Variants in TAX1BP1 observed in about 807,000 individuals in gnomAD.
TAX1BP1 encodes the protein tax1-binding protein 1.
Under a neutral mutation model 97.7 loss-of-function variants are expected in TAX1BP1, and 62 were observed. That is an observed-to-expected ratio of 0.63 (90% CI 0.52 to 0.78). TAX1BP1 has a LOEUF of 0.78. Ranked by LOEUF, TAX1BP1 falls within the 30% of genes least tolerant of loss-of-function variation. TAX1BP1 has a pLI of 0.00. For synonymous variants in TAX1BP1, 340 were observed against 304.2 expected, an observed-to-expected ratio of 1.12 and a Z score of -1.23; for missense variants, 867 against 916.1, an observed-to-expected ratio of 0.95 and a Z score of 0.69.
At chr7:27,751,289 G>T (rs1398659007) in intron 2 of TAX1BP1, among the ~76,000 whole-genome samples, 1 of 152,128 alleles carries the variant, frequency 6.6e-6, no homozygotes, top group Non-Finnish European at 1.5e-5. Context: ...AAGATTTCAG[G>T]TAATACAGGA....
chr7:27,742,699 C>T (rs1026985520), intron 1 of TAX1BP1, among the ~76,000 whole-genome samples: 3 of 152,104 alleles, frequency 2.0e-5, no homozygotes, highest in African/African-American at 7.2e-5. Flanking sequence ...AACTCCTGAC[C>T]TCTTGATCCG....
intron 2 of TAX1BP1, among the ~76,000 whole-genome samples, chr7:27,757,740 C>T (rs557627991): frequency 6.6e-6 from 1 of 152,036 alleles, no homozygotes; most frequent in East Asian, 1.9e-4. Flanking sequence ...TTAATCAAAA[C>T]ACATTTTTAT....
At chr7:27,817,716 C>T (rs1190126126) in intron 15 of TAX1BP1, among the ~76,000 whole-genome samples, 5 of 152,124 alleles carry the variant, frequency 3.3e-5, no homozygotes, top group African/African-American at 4.8e-5. Flanking sequence ...CTTACAGCAG[C>T]TCTTTTTGGA....
intron 15 of TAX1BP1, among the ~76,000 whole-genome samples, chr7:27,821,104 G>T (rs1011428611): frequency 2.6e-5 from 4 of 152,024 alleles, no homozygotes; most frequent in African/African-American, 9.7e-5. Flanking sequence ...GTCATCAAAA[G>T]GATTAAATGA....
At chr7:27,775,248 A>G (rs1190464511) in intron 5 of TAX1BP1, among the ~76,000 whole-genome samples, 1 of 152,166 alleles carries the variant, frequency 6.6e-6, no homozygotes, top group Non-Finnish European at 1.5e-5. Context: ...AAATCAGCAT[A>G]TAGTTTTAGT....
chr7:27,825,901 T>C (rs551912613), intron 15 of TAX1BP1, among the ~76,000 whole-genome samples: 22 of 152,344 alleles, frequency 1.4e-4, no homozygotes, highest in African/African-American at 5.3e-4. Flanking sequence ...AAATATAATA[T>C]CAAGACCTGC....
intron 15 of TAX1BP1, among the ~76,000 whole-genome samples, chr7:27,818,042 T>G (rs941193873): frequency 4.6e-5 from 7 of 152,298 alleles, no homozygotes; most frequent in African/African-American, 1.7e-4. Flanking sequence ...GTAGCCTATT[T>G]AAGGTCTAGA....
At chr7:27,744,442 A>G (rs140397095) in intron 1 of TAX1BP1, among the ~76,000 whole-genome samples, 24 of 152,378 alleles carry the variant, frequency 1.6e-4, no homozygotes, top group Admixed American at 9.8e-4. Context: ...GTATCTTTAA[A>G]TGATAAAGAC....
intron 8 of TAX1BP1, among the ~76,000 whole-genome samples, chr7:27,788,799 A>C (rs1246022479): frequency 6.6e-6 from 1 of 151,990 alleles, no homozygotes; most frequent in African/African-American, 2.4e-5. Context: ...CAGACCTGAT[A>C]TTACCATTTC....
chr7:27,803,777 C>T (rs895512525), intron 13 of TAX1BP1, among the ~76,000 whole-genome samples: 1 of 152,142 alleles, frequency 6.6e-6, no homozygotes, highest in Non-Finnish European at 1.5e-5. Flanking sequence ...TTTTAGTATT[C>T]TGTGTGATTA....
rs575397748 is a variant in TAX1BP1 at position 27,800,570 on chromosome 7, A to G, written c.1764+480A>G. Among the ~76,000 whole-genome samples, 189 of 152,194 alleles carry G rather than the reference A, an allele frequency of 1.2e-3. 4 individuals are homozygous for G. In the South Asian group the frequency reaches 0.037, roughly 30 times the overall value. ...CCACCCCCCTACCAGTCTCTAAAAA[A>G]TAAAAATTAATAAATAAAAATAATT... is the stretch of plus-strand genomic sequence containing the variant. On this transcript the variant is annotated intron_variant, in intron 13 of 16. Coordinates refer to ENST00000396319, the MANE Select transcript of TAX1BP1 (RefSeq NM_006024.7).
intron 13 of TAX1BP1, among the ~76,000 whole-genome samples, chr7:27,815,798 G>T (rs1301234885): frequency 6.6e-6 from 1 of 152,166 alleles, no homozygotes; most frequent in African/African-American, 2.4e-5. Context: ...CACTTTGGGA[G>T]GCTGAAGTGG....
At chr7:27,790,247 C>T (rs1220559100) in intron 8 of TAX1BP1, among the ~76,000 whole-genome samples, 2 of 151,698 alleles carry the variant, frequency 1.3e-5, no homozygotes, top group African/African-American at 4.8e-5. Context: ...ATAACAACTG[C>T]CTAGTATTTC....
At chr7:27,769,915 A>C in intron 5 of TAX1BP1, 81 bp downstream of exon 5, 1 of 1,392,524 alleles carries the variant, frequency 7.2e-7, no homozygotes, top group Admixed American at 2.1e-5. Flanking sequence ...GAACCAATTA[A>C]GTAAGTGAAA....
At chr7:27,770,102 C>G (rs762730407) in intron 5 of TAX1BP1, among the ~76,000 whole-genome samples, 1 of 151,922 alleles carries the variant, frequency 6.6e-6, no homozygotes, top group Non-Finnish European at 1.5e-5. Context: ...TGTTTTACAT[C>G]TAATTGTAGA....
Position 27,827,815 on chromosome 7 carries a change from T to C in TAX1BP1, c.2163T>C (p.Asp721=). 2 of 1,613,664 alleles carry C rather than the reference T, an allele frequency of 1.2e-6. No homozygotes were observed. The highest frequency in any genetic ancestry group is 4.5e-5 in the East Asian group (2 of 44,876). ...GGCATGGGACAGGCTTTTGCTTTGA[T>C]TCCAGGTAGTTTTCTTCTTTACTTT... ...LRGHGTGFCF[D]SSFDVHKKCP... is the part of the protein sequence containing the mutation. The change falls in exon 16 of 17, where the codon GAT becomes GAC. Residue 721 remains aspartate (D), a synonymous_variant. Coordinates refer to ENST00000396319, the MANE Select transcript of TAX1BP1 (RefSeq NM_006024.7).
At chr7:27,766,963 T>C (rs1388028801) in intron 4 of TAX1BP1, among the ~76,000 whole-genome samples, 3 of 152,212 alleles carry the variant, frequency 2.0e-5, no homozygotes. Context: ...TACTCCTTAC[T>C]GTTTTTGTAA....
chr7:27,826,895 C>T (rs1475929577), intron 15 of TAX1BP1, among the ~76,000 whole-genome samples: 1 of 152,062 alleles, frequency 6.6e-6, no homozygotes, highest in East Asian at 1.9e-4. Context: ...GACTTGCTTC[C>T]CCAAGAATAT....
intron 5 of TAX1BP1, among the ~76,000 whole-genome samples, chr7:27,777,931 G>A (rs540346064): frequency 6.6e-6 from 1 of 152,254 alleles, no homozygotes; most frequent in Middle Eastern, 3.4e-3. Flanking sequence ...AGTTCATTTG[G>A]TTCTTGTTAC....
Sources: gnomAD v4.1 joint callset for allele counts (sites outside exome capture counted in the v4.1 genomes callset) on GRCh38, gnomAD v4.1.1 for gene constraint, MANE v1.5 for transcripts, NCBI Gene and HGNC (gene_info 2026-07-23, HGNC 2026-07-21) for gene names.